Variants in BICRAL observed in about 807,000 individuals in gnomAD.
BICRAL encodes BRD4-interacting chromatin-remodeling complex-associated protein-like.
Under a neutral mutation model 91.8 loss-of-function variants are expected in BICRAL, and 8 were observed. The ratio of observed to expected loss-of-function variants is 0.09; its 90% confidence interval spans 0.05 to 0.16. BICRAL has a LOEUF of 0.16. BICRAL is among the 10% of genes least tolerant of loss of function. The pLI, the probability that BICRAL is intolerant of heterozygous loss-of-function variation, is 1.00. For synonymous variants in BICRAL, 445 were observed against 491.1 expected, an observed-to-expected ratio of 0.91 and a Z score of 1.24; for missense variants, 1,038 against 1,310.9, an observed-to-expected ratio of 0.79 and a Z score of 3.21.
At chr6:42,846,042 A>G (rs886709850) in intron 6 of BICRAL, among the ~76,000 whole-genome samples, 12 of 143,958 alleles carry the variant, frequency 8.3e-5, no homozygotes, top group East Asian at 2.1e-4. Context: ...AGCCTGGGCA[A>G]TAGAGTGAGA....
At chr6:42,832,578 C>CATGTGTGTGTGT (rs374090192) in intron 6 of BICRAL, among the ~76,000 whole-genome samples, 3 of 142,678 alleles carry the variant, frequency 2.1e-5, no homozygotes, top group African/African-American at 7.7e-5. Context: ...ATCAAAGGGG[C>CATGTGTGTGTGT]GTGTGTGTGT....
At chr6:42,779,488 A>G (rs1762855854), upstream of BICRAL, among the ~76,000 whole-genome samples, 1 of 152,168 alleles carries the variant, frequency 6.6e-6, no homozygotes. Flanking sequence ...AAAATATGCT[A>G]ATTTATGCAA....
intron 2 of BICRAL, among the ~76,000 whole-genome samples, chr6:42,817,272 C>T (rs749939406): frequency 1.3e-5 from 2 of 151,426 alleles, no homozygotes; most frequent in Non-Finnish European, 2.9e-5. Context: ...TATATCCTAC[C>T]AAGTTAGTAT....
intron 6 of BICRAL, among the ~76,000 whole-genome samples, chr6:42,843,077 G>C (rs2113988894): frequency 6.6e-6 from 1 of 152,042 alleles, no homozygotes; most frequent in African/African-American, 2.4e-5. Flanking sequence ...GGCTGGTCTC[G>C]AACTCCTGAC....
chr6:42,830,558 C>CA (rs201936477), intron 6 of BICRAL, among the ~76,000 whole-genome samples: 43,582 of 147,172 alleles, frequency 0.3, 6,837 homozygotes, highest in South Asian at 0.45. Flanking sequence ...GACCCTGTCT[C>CA]AAAAAAAAAA....
intron 6 of BICRAL, among the ~76,000 whole-genome samples, chr6:42,841,404 G>C (rs1764794543): frequency 6.6e-6 from 1 of 151,864 alleles, no homozygotes; most frequent in Non-Finnish European, 1.5e-5. Flanking sequence ...GGCCAGGCTG[G>C]TCTCGAACTC....
chr6:42,839,592 C>G (rs976078045), intron 6 of BICRAL, among the ~76,000 whole-genome samples: 2 of 152,134 alleles, frequency 1.3e-5, no homozygotes, highest in African/African-American at 4.8e-5. Flanking sequence ...ATCCCCACCC[C>G]CTTTGCCCCT....
intron 1 of BICRAL, among the ~76,000 whole-genome samples, chr6:42,769,943 T>C (rs1562452849): frequency 6.6e-6 from 1 of 152,188 alleles, no homozygotes; most frequent in Non-Finnish European, 1.5e-5. Flanking sequence ...TTTCATTTTT[T>C]ATAAAAGCTG....
chr6:42,751,829 G>T (rs1262599398), intron 1 of BICRAL, among the ~76,000 whole-genome samples: 2 of 151,822 alleles, frequency 1.3e-5, no homozygotes, highest in Non-Finnish European at 2.9e-5. Context: ...GGCTAATTTT[G>T]TATTTTTAGT....
intron 6 of BICRAL, among the ~76,000 whole-genome samples, chr6:42,845,519 A>C (rs1278091246): frequency 6.6e-6 from 1 of 151,874 alleles, no homozygotes; most frequent in Non-Finnish European, 1.5e-5. Context: ...AATGAGCCCA[A>C]GTCCAGGAAG....
intron 1 of BICRAL, among the ~76,000 whole-genome samples, chr6:42,748,749 G>T (rs1762330637): frequency 6.6e-6 from 1 of 152,228 alleles, no homozygotes; most frequent in Admixed American, 6.5e-5. Flanking sequence ...CTGCACAGCT[G>T]CAGGCTGTGA....
At chr6:42,824,929 C>G (rs1443689350) in intron 5 of BICRAL, among the ~76,000 whole-genome samples, 1 of 152,150 alleles carries the variant, frequency 6.6e-6, no homozygotes, top group African/African-American at 2.4e-5. Flanking sequence ...TTGAGACCAA[C>G]CAGCATAGTG....
At chr6:42,852,820 G>A (rs986369639) in intron 7 of BICRAL, among the ~76,000 whole-genome samples, 2 of 151,608 alleles carry the variant, frequency 1.3e-5, no homozygotes, top group Non-Finnish European at 2.9e-5. Context: ...AATTGAGGCC[G>A]GGCACGGTGG....
chr6:42,832,304 TG>T (rs1764506193), intron 6 of BICRAL, among the ~76,000 whole-genome samples: 1 of 150,680 alleles, frequency 6.6e-6, no homozygotes, highest in Non-Finnish European at 1.5e-5. Context: ...GCCAAGATCA[TG>T]CCACTGCACT....
At chr6:42,853,575 G>T in intron 7 of BICRAL, 63 bp from the exon 8 acceptor site, 1 of 1,193,616 alleles carries the variant, frequency 8.4e-7, no homozygotes. Flanking sequence ...GGGTTCTAGG[G>T]TTATATGATG....
At chr6:42,785,518 A>G (rs1002404498) in intron 1 of BICRAL, among the ~76,000 whole-genome samples, 10 of 149,902 alleles carry the variant, frequency 6.7e-5, no homozygotes, top group African/African-American at 2.5e-4. Flanking sequence ...CCGAGACCCC[A>G]CCATTGCACT....
chr6:42,747,269 G>T (rs1465177984), intron 1 of BICRAL, among the ~76,000 whole-genome samples: 1 of 152,214 alleles, frequency 6.6e-6, no homozygotes, highest in South Asian at 2.1e-4. Context: ...GGGCGCGGCA[G>T]CCTCGCATGC....
intron 2 of BICRAL, among the ~76,000 whole-genome samples, chr6:42,810,660 CT>C (rs1421422974): frequency 6.6e-6 from 1 of 152,206 alleles, no homozygotes; most frequent in African/African-American, 2.4e-5. Flanking sequence ...CAATAGTTCA[CT>C]TTTCAGCCTT....
chr6:42,863,665 G>T (rs1216832057), intron 12 of BICRAL, among the ~76,000 whole-genome samples: 1 of 152,170 alleles, frequency 6.6e-6, no homozygotes, highest in African/African-American at 2.4e-5. Context: ...AAGAAACCAG[G>T]CTGACACCAG....
Sources: gnomAD v4.1 joint callset for allele counts (sites outside exome capture counted in the v4.1 genomes callset) on GRCh38, gnomAD v4.1.1 for gene constraint, MANE v1.5 for transcripts, NCBI Gene and HGNC (gene_info 2026-07-23, HGNC 2026-07-21) for gene names.